The following PSMA5 variants were observed in gnomAD, a reference collection of about 807,000 sequenced individuals.
PSMA5 encodes the protein proteasome subunit alpha type-5.
In PSMA5, 3 loss-of-function variants were observed where a neutral mutation model predicts 34.5. The observed-to-expected ratio is 0.09, with a 90% CI of 0.04 to 0.22. The LOEUF (loss-of-function observed/expected upper bound fraction) is 0.22, where lower values mean the gene tolerates loss of function less well. PSMA5 is among the 10% of genes least tolerant of loss of function. The probability of loss-of-function intolerance (pLI) is 1.00; values close to 1 mark genes in which losing one functional copy is unlikely to be tolerated. For missense variants in PSMA5, 120 were observed against 286.1 expected, an observed-to-expected ratio of 0.42 and a Z score of 4.19; for synonymous variants, 88 against 95.8, an observed-to-expected ratio of 0.92 and a Z score of 0.47.
rs1215197389 is a variant in PSMA5 at position 109,421,936 on chromosome 1, A to T, written c.30-10T>A. 6.3e-6 allele frequency: 9 copies of T among 1,418,300 alleles called. No homozygotes were observed. Among genetic ancestry groups the T allele is most frequent in the South Asian group, 1.5e-5 (1 of 65,376 alleles). 87.9% of individuals were successfully genotyped at this position (1,418,300 alleles called of 1,614,324 possible). A position where few individuals can be genotyped will look rare whatever the true frequency, so the allele number is the denominator to read the frequency against. On this transcript the variant is annotated splice_polypyrimidine_tract_variant and intron_variant, in intron 1 of 8. Transcript: ENST00000271308. ...AAAAGTATTCACGCCCCTATAATTT[A>T]AAAAAAAATTATTAATTATACTCAT...
chr1:109,414,063 T>C (rs911942909), intron 3 of PSMA5, among the ~76,000 whole-genome samples: 5 of 152,222 alleles, frequency 3.3e-5, no homozygotes, highest in African/African-American at 1.2e-4. Flanking sequence ...TTGAAGCCCT[T>C]CAGTGTGGTA....
chr1:109,426,193 G>T, intron 1 of PSMA5, 109 bp downstream of exon 1: 1 of 1,462,040 alleles, frequency 6.8e-7, no homozygotes, highest in Non-Finnish European at 9.6e-7. Context: ...GGTCCGGCCA[G>T]TCTCGGGTTC....
chr1:109,402,806 A>G (rs1460344140), intron 8 of PSMA5, among the ~76,000 whole-genome samples: 1 of 152,178 alleles, frequency 6.6e-6, no homozygotes, highest in Non-Finnish European at 1.5e-5. Context: ...CCCGGGTTCA[A>G]GCGATTCTCC....
chr1:109,422,678 G>A (rs550144223), intron 1 of PSMA5, among the ~76,000 whole-genome samples: 2 of 152,056 alleles, frequency 1.3e-5, no homozygotes, highest in East Asian at 1.9e-4. Context: ...TCACCATATT[G>A]GCCAGGCTGG....
At chr1:109,403,461 CA>C (rs1207531175) in intron 8 of PSMA5, among the ~76,000 whole-genome samples, 175 of 142,366 alleles carry the variant, frequency 1.2e-3, no homozygotes, top group Admixed American at 2.2e-3. Flanking sequence ...CCGTGTCTAC[CA>C]AAAAAAAAAA....
chr1:109,404,611 A>G (rs181241245), intron 8 of PSMA5, among the ~76,000 whole-genome samples: 5 of 152,346 alleles, frequency 3.3e-5, no homozygotes, highest in African/African-American at 1.2e-4. Context: ...TCATCACTAG[A>G]TAAGTAAAAA....
chr1:109,402,204 T>G lies in PSMA5; in HGVS notation c.649-114A>C, dbSNP rs868240083. The G allele has an allele frequency of 9.7e-5, 65 of 670,018 alleles. No homozygotes were observed. In the Middle Eastern group the frequency reaches 2.8e-3, roughly 29 times the overall value. 41.5% of individuals were successfully genotyped at this position (670,018 alleles called of 1,614,324 possible). ...CAGCTATTCATTAGGAACTAAGGGA[T>G]CTGCTGTCCCAAGGATATCCTTTCC... is the stretch of plus-strand genomic sequence containing the variant. On this transcript the variant is annotated intron_variant, in intron 8 of 8. Coordinates refer to ENST00000271308, the MANE Select transcript of PSMA5 (RefSeq NM_002790.4).
intron 2 of PSMA5, 32 bp from the exon 3 acceptor site, chr1:109,415,395 T>C (rs892717017): frequency 2.5e-6 from 4 of 1,596,332 alleles, no homozygotes; most frequent in Non-Finnish European, 3.4e-6. Context: ...TTACCATATA[T>C]AGGTCAAATA....
At chr1:109,402,242 C>G (rs1179236047) in intron 8 of PSMA5, 152 bp from the exon 9 acceptor site, 1 of 510,936 alleles carries the variant, frequency 2.0e-6, no homozygotes, top group African/African-American at 2.0e-5. Context: ...GCAGCAGGTC[C>G]CTAAAATAGC....
At position 109,399,107 on chromosome 1, in the gene PSMA5, A is replaced by G. The variant is rs1411764110; in HGVS notation, c.*2906T>C. On this transcript the variant is annotated 3_prime_UTR_variant, in exon 9 of 9. Transcript: ENST00000271308. Reference sequence around the variant, plus strand: ...CCAAATGAGGATATAGTCATTGTAGAGCAAAATGATACAATGCACCCAACC... The same window carrying G: ...CCAAATGAGGATATAGTCATTGTAGGGCAAAATGATACAATGCACCCAACC... The G allele has an allele frequency of 6.6e-6, 1 of 152,284 alleles. No individual in the cohort carries two copies. The highest frequency in any genetic ancestry group is 1.5e-5 in the Non-Finnish European group (1 of 68,050). 9.4% of individuals were successfully genotyped at this position (152,284 alleles called of 1,614,324 possible).
chr1:109,426,422 A>G lies in PSMA5; in HGVS notation c.-92T>C, dbSNP rs1654670288. 6.6e-7 allele frequency: 1 copy of G among 1,517,100 alleles called. No homozygotes were observed. The allele number at this position is 1,517,100 out of a possible 1,614,324, so 94.0% of individuals were successfully genotyped here. Reference sequence around the variant, plus strand: ...CAACTCACCGGCAGCCAACTCACCCACACGGCCGCAGTACTAAGGACCAAC... The same window carrying G: ...CAACTCACCGGCAGCCAACTCACCCGCACGGCCGCAGTACTAAGGACCAAC... On this transcript the variant is annotated 5_prime_UTR_variant, in exon 1 of 9. Coordinates refer to ENST00000271308, the MANE Select transcript of PSMA5 (RefSeq NM_002790.4).
Position 109,426,443 on chromosome 1 carries a change from C to A in PSMA5, c.-113G>T. On this transcript the variant is annotated 5_prime_UTR_variant, in exon 1 of 9. Coordinates refer to ENST00000271308, the MANE Select transcript of PSMA5 (RefSeq NM_002790.4). ...ACCCACACGGCCGCAGTACTAAGGA[C>A]CAACTGCGCGTGCGACCGCGACCTC... is the stretch of plus-strand genomic sequence containing the variant. 1 of 1,371,332 alleles carries A rather than the reference C, an allele frequency of 7.3e-7. No individual in the cohort carries two copies. Among genetic ancestry groups the A allele is most frequent in the Non-Finnish European group, 1.0e-6 (1 of 960,430 alleles). The allele number at this position is 1,371,332 out of a possible 1,614,324, so 84.9% of individuals were successfully genotyped here.
intron 2 of PSMA5, among the ~76,000 whole-genome samples, chr1:109,421,160 A>G (rs7529339): frequency 0.046 from 6,945 of 152,186 alleles, 545 homozygotes; most frequent in African/African-American, 0.16. Flanking sequence ...GTACTCCAGC[A>G]TGGGTGACAG....
intron 2 of PSMA5, among the ~76,000 whole-genome samples, chr1:109,418,830 G>A (rs1246930019): frequency 6.6e-6 from 1 of 152,080 alleles, no homozygotes; most frequent in Admixed American, 6.5e-5. Flanking sequence ...ATGCTAATAA[G>A]AAGAAAAGAA....
chr1:109,418,669 T>C (rs1654313305), intron 2 of PSMA5, among the ~76,000 whole-genome samples: 1 of 152,116 alleles, frequency 6.6e-6, no homozygotes, highest in African/African-American at 2.4e-5. Context: ...AGTCTTGAAC[T>C]CCTAGGCTCA....
chr1:109,405,989 A>G (rs955708556), intron 8 of PSMA5, among the ~76,000 whole-genome samples: 3 of 152,222 alleles, frequency 2.0e-5, no homozygotes, highest in African/African-American at 7.2e-5. Context: ...GTAAAAGGGA[A>G]GGAAAGTCAA....
Position 109,422,865 on chromosome 1 carries a change from G to A in PSMA5, c.30-939C>T, listed in dbSNP as rs144517167. Among the ~76,000 whole-genome samples the A allele has an allele frequency of 3.2e-4, 48 of 152,346 alleles. No homozygotes were observed. The East Asian group carries it at 8.3e-3, about 26-fold the overall frequency. On this transcript the variant is annotated intron_variant, in intron 1 of 8. Coordinates refer to ENST00000271308, the MANE Select transcript of PSMA5 (RefSeq NM_002790.4). ...GTTATCTTAACAGACTGAGATCCAT[G>A]TAGTTCCTAATTCTAACCTAGTTCA...
At chr1:109,413,186 T>C in intron 3 of PSMA5, 51 bp from the exon 4 acceptor site, 1 of 1,534,500 alleles carries the variant, frequency 6.5e-7, no homozygotes. Flanking sequence ...TGTAAAACTC[T>C]TTCATCCACT....
chr1:109,417,263 C>G (rs1322486439), intron 2 of PSMA5, among the ~76,000 whole-genome samples: 1 of 152,130 alleles, frequency 6.6e-6, no homozygotes, highest in Admixed American at 6.5e-5. Flanking sequence ...GGAGAAGACA[C>G]AGCAACAAAA....
Sources: allele counts gnomAD v4.1 joint callset (sites outside exome capture counted in the v4.1 genomes callset), GRCh38; gene constraint gnomAD v4.1.1; transcripts MANE v1.5; gene names NCBI Gene and HGNC (gene_info 2026-07-23, HGNC 2026-07-21).